DGLUCY: variants seen among roughly 807,000 people sequenced by gnomAD.
DGLUCY encodes D-glutamate cyclase, also known as D-glutamate cyclase, mitochondrial.
In DGLUCY, 58 loss-of-function variants were observed where a neutral mutation model predicts 58.5. The observed-to-expected ratio is 0.99, with a 90% CI of 0.80 to 1.23. DGLUCY has a LOEUF of 1.23. DGLUCY is among the 50% of genes most tolerant of loss of function. The pLI is 0.00. For synonymous variants in DGLUCY, 325 were observed against 314.1 expected, an observed-to-expected ratio of 1.03 and a Z score of -0.37; for missense variants, 779 against 784.7, an observed-to-expected ratio of 0.99 and a Z score of 0.09.
rs530501141 is a variant in DGLUCY, at chr14:91,153,487, G to A, written c.-81-4152G>A. On this transcript the variant is annotated intron_variant, in intron 1 of 13. Coordinates refer to ENST00000256324, the MANE Select transcript of DGLUCY (RefSeq NM_001102368.3). ...CGTGAGGCACCGCACCCGGCTGACAGTGAACATTTATTGGGCACCTCCCGT... is the reference window on the plus strand; with the variant it reads ...CGTGAGGCACCGCACCCGGCTGACAATGAACATTTATTGGGCACCTCCCGT... 2.4e-4 allele frequency among the ~76,000 whole-genome samples: 37 copies of A among 152,268 alleles called. No individual in the cohort carries two copies. In the South Asian group the frequency reaches 7.5e-3, roughly 31 times the overall value.
At chr14:91,196,215 T>C (rs2050196828) in intron 9 of DGLUCY, among the ~76,000 whole-genome samples, 160 bp from the exon 10 acceptor site, 1 of 152,104 alleles carries the variant, frequency 6.6e-6, no homozygotes, top group South Asian at 2.1e-4. Flanking sequence ...AACTTAAATA[T>C]CCTCTGTGTC....
intron 4 of DGLUCY, 39 bp downstream of exon 4, chr14:91,167,417 T>C: frequency 6.2e-7 from 1 of 1,612,944 alleles, no homozygotes; most frequent in Non-Finnish European, 8.5e-7. Flanking sequence ...AGCTTGGGAG[T>C]GTCCAGGTGC....
chr14:91,221,693 C>G (rs2140795318), intron 13 of DGLUCY, among the ~76,000 whole-genome samples: 1 of 152,262 alleles, frequency 6.6e-6, no homozygotes, highest in South Asian at 2.1e-4. Flanking sequence ...GGGCCTCATT[C>G]TGGGCTCCCA....
Position 91,170,063 on chromosome 14 carries a change from G to T in DGLUCY, c.318G>T (p.Ser106=), listed in dbSNP as rs766348370. Residue 106 remains serine, a synonymous_variant, in exon 5 of 14, where the codon TCG becomes TCT. Transcript: ENST00000256324. ...EFGACTGSLA[S]LEQYSEQLKD... Reference sequence around the variant, plus strand: ...GTGCCTGCACCGGCAGCCTGGCTTCGCTGGAGCAGTACTCGGAGCAGCTGA... The same window carrying T: ...GTGCCTGCACCGGCAGCCTGGCTTCTCTGGAGCAGTACTCGGAGCAGCTGA... The T allele has an allele frequency of 6.2e-7, 1 of 1,612,454 alleles. No homozygotes were observed. Among genetic ancestry groups the T allele is most frequent in the Non-Finnish European group, 8.5e-7 (1 of 1,180,034 alleles).
intron 1 of DGLUCY, among the ~76,000 whole-genome samples, chr14:91,108,526 T>TGTGTGTGAGAGAGAGA (rs1265665234): frequency 3.3e-4 from 17 of 52,176 alleles, no homozygotes; most frequent in South Asian, 1.4e-3. Context: ...TGTGTGTGTG[T>TGTGTGTGAGAGAGAGA]GAGAGAGAGA....
In DGLUCY at chr14:91,141,850, CT is replaced by C. The variant is rs1338493011; in HGVS notation, c.-81-15776del. ...ACAGGCGTGAGTCACTGCGCCCGGC[CT>C]TTTTTTTTTTTTCAGACAGAGTCTT... On this transcript the variant is annotated intron_variant, in intron 1 of 13. Coordinates refer to ENST00000256324, the MANE Select transcript of DGLUCY (RefSeq NM_001102368.3). Among the ~76,000 whole-genome samples, 160 of 128,254 alleles carry C rather than the reference CT, an allele frequency of 1.2e-3. 1 individual carries two copies. Among genetic ancestry groups the C allele is most frequent in the East Asian group, 7.9e-3 (34 of 4,318 alleles). The allele number at this position is 128,254 out of a possible 152,430, so 84.1% of individuals were successfully genotyped here.
intron 5 of DGLUCY, among the ~76,000 whole-genome samples, chr14:91,171,645 C>A (rs1420089276): frequency 1.3e-5 from 2 of 152,240 alleles, no homozygotes; most frequent in Non-Finnish European, 2.9e-5. Context: ...TGATAGCAAG[C>A]TCTTTAGGTG....
At chr14:91,095,394 C>G (rs1215995086) in intron 1 of DGLUCY, among the ~76,000 whole-genome samples, 3 of 152,192 alleles carry the variant, frequency 2.0e-5, no homozygotes, top group Non-Finnish European at 4.4e-5. Context: ...GCCTGGCTCG[C>G]TTCCTGCCAC....
At chr14:91,218,155 T>A (rs1367736848) in intron 13 of DGLUCY, among the ~76,000 whole-genome samples, 1 of 152,132 alleles carries the variant, frequency 6.6e-6, no homozygotes, top group Non-Finnish European at 1.5e-5. Context: ...CAGAGGGAAA[T>A]GGTCTGCCCT....
chr14:91,195,558 T>C (rs2050148711), intron 9 of DGLUCY, among the ~76,000 whole-genome samples: 1 of 152,044 alleles, frequency 6.6e-6, no homozygotes, highest in African/African-American at 2.4e-5. Flanking sequence ...GGGGTGAGAA[T>C]TGGAGCCATG....
At chr14:91,075,010 T>G (rs1239103931) in intron 1 of DGLUCY, among the ~76,000 whole-genome samples, 3 of 149,858 alleles carry the variant, frequency 2.0e-5, no homozygotes, top group Non-Finnish European at 2.9e-5. Context: ...AGGTGGAAGT[T>G]GCAGTGAGCC....
intron 1 of DGLUCY, among the ~76,000 whole-genome samples, chr14:91,094,648 C>T (rs1190092927): frequency 1.3e-5 from 2 of 151,836 alleles, no homozygotes; most frequent in Non-Finnish European, 2.9e-5. Context: ...CATGGTGAAA[C>T]CCCATCTCTA....
Position 91,224,999 on chromosome 14 carries a change from A to G in DGLUCY, c.*166A>G. The G allele has an allele frequency of 1.3e-6, 1 of 745,548 alleles. No individual in the cohort carries two copies. The highest frequency in any genetic ancestry group is 2.0e-6 in the Non-Finnish European group (1 of 495,004). 46.2% of individuals were successfully genotyped at this position (745,548 alleles called of 1,614,324 possible). ...GCATGCCCACTTTCTGGGAGGGGTT[A>G]GTGCAGGTGCTGTGGACAAAGGACA... On this transcript the variant is annotated 3_prime_UTR_variant, in exon 14 of 14. Coordinates refer to ENST00000256324, the MANE Select transcript of DGLUCY (RefSeq NM_001102368.3).
chr14:91,164,760 C>T (rs1272489912), intron 3 of DGLUCY, among the ~76,000 whole-genome samples: 2 of 152,204 alleles, frequency 1.3e-5, no homozygotes, highest in Non-Finnish European at 2.9e-5. Context: ...CCTGTAGCCA[C>T]CACCACTGTG....
intron 8 of DGLUCY, among the ~76,000 whole-genome samples, chr14:91,183,280 G>A (rs564677296): frequency 4.1e-4 from 63 of 152,300 alleles, no homozygotes; most frequent in African/African-American, 1.5e-3. Flanking sequence ...ACAGGCATGA[G>A]CCACCATGCC....
At chr14:91,172,868 A>G (rs1190021402) in intron 5 of DGLUCY, among the ~76,000 whole-genome samples, 1 of 152,030 alleles carries the variant, frequency 6.6e-6, no homozygotes, top group Non-Finnish European at 1.5e-5. Context: ...GCTGGTCTCG[A>G]ACTCCTGACC....
At chr14:91,196,122 A>T (rs542648403) in intron 9 of DGLUCY, among the ~76,000 whole-genome samples, 3 of 152,116 alleles carry the variant, frequency 2.0e-5, no homozygotes, top group Non-Finnish European at 2.9e-5. Context: ...GGCATCTTAC[A>T]TGCAGCATAT....
chr14:91,164,774 G>A (rs575204560), intron 3 of DGLUCY, among the ~76,000 whole-genome samples: 1 of 152,342 alleles, frequency 6.6e-6, no homozygotes, highest in East Asian at 1.9e-4. Flanking sequence ...CACTGTGACT[G>A]TGCTGGGCCA....
chr14:91,062,558 A>AAAATATATATATATAT (rs1555386902), intron 1 of DGLUCY, among the ~76,000 whole-genome samples: 1 of 23,694 alleles, frequency 4.2e-5, no homozygotes, highest in African/African-American at 2.0e-4. Flanking sequence ...AAAAAAAAAA[A>AAAATATATATATATAT]ATATATATAT....
Sources: gnomAD v4.1 joint callset for allele counts (sites outside exome capture counted in the v4.1 genomes callset) on GRCh38, gnomAD v4.1.1 for gene constraint, MANE v1.5 for transcripts, NCBI Gene and HGNC (gene_info 2026-07-23, HGNC 2026-07-21) for gene names.